CTNNBL1: variants seen among roughly 807,000 people sequenced by gnomAD.
CTNNBL1 encodes the protein beta-catenin-like protein 1.
In CTNNBL1, 31 loss-of-function variants were observed where a neutral mutation model predicts 72.7. That is an observed-to-expected ratio of 0.43 (90% confidence interval 0.32 to 0.58). The LOEUF is 0.58. Ranked by LOEUF, CTNNBL1 falls within the 20% of genes least tolerant of loss-of-function variation. CTNNBL1 has a pLI of 0.08. For synonymous variants in CTNNBL1, 240 were observed against 267.3 expected (o/e 0.90, Z 1.00); for missense variants, 534 against 725.1 (o/e 0.74, Z 3.03).
intron 13 of CTNNBL1, among the ~76,000 whole-genome samples, chr20:37,844,315 T>C (rs2072329248): frequency 1.3e-5 from 2 of 152,166 alleles, no homozygotes; most frequent in Admixed American, 6.5e-5. Flanking sequence ...CTATGCCTCA[T>C]GTAGCCTCAG....
chr20:37,868,054 T>A (rs2072551677), intron 15 of CTNNBL1, among the ~76,000 whole-genome samples: 1 of 152,226 alleles, frequency 6.6e-6, no homozygotes, highest in Non-Finnish European at 1.5e-5. Context: ...AATAAATTTC[T>A]GAGAACCCTT....
chr20:37,815,546 G>A lies in CTNNBL1; in HGVS notation c.1213+12498G>A, dbSNP rs555945874. ...TTGGTCAGGCTGCTCTCGAACTCCT[G>A]ACTTCAGGTGATCTGCCCCCCTCGG... On this transcript the variant is annotated intron_variant, in intron 11 of 15. Coordinates refer to ENST00000361383, the MANE Select transcript of CTNNBL1 (RefSeq NM_030877.5). Among the ~76,000 whole-genome samples, 354 of 152,210 alleles carry A rather than the reference G, an allele frequency of 2.3e-3. 2 individuals carry two copies. Among genetic ancestry groups the A allele is most frequent in the African/African-American group, 7.6e-3 (314 of 41,514 alleles).
At chr20:37,709,855 G>A (rs1245639060) in intron 1 of CTNNBL1, among the ~76,000 whole-genome samples, 1 of 152,212 alleles carries the variant, frequency 6.6e-6, no homozygotes, top group Non-Finnish European at 1.5e-5. Context: ...TTTCTCTGGT[G>A]TCTTTGGAAA....
At chr20:37,769,892 C>T (rs1351392704) in intron 7 of CTNNBL1, among the ~76,000 whole-genome samples, 1 of 152,194 alleles carries the variant, frequency 6.6e-6, no homozygotes, top group Admixed American at 6.5e-5. Context: ...AAGGTTCTGC[C>T]TAAGATATCA....
At chr20:37,824,022 T>C (rs2072134915) in intron 11 of CTNNBL1, among the ~76,000 whole-genome samples, 2 of 152,206 alleles carry the variant, frequency 1.3e-5, no homozygotes, top group African/African-American at 4.8e-5. Context: ...GTGGTAACTA[T>C]ATAATATACT....
chr20:37,789,332 A>G (rs1269027495), intron 10 of CTNNBL1, among the ~76,000 whole-genome samples: 5 of 152,208 alleles, frequency 3.3e-5, no homozygotes, highest in Non-Finnish European at 2.9e-5. Flanking sequence ...AGGTTACAGT[A>G]AGGATGTTTG....
chr20:37,742,043 C>G (rs377733168), intron 3 of CTNNBL1, among the ~76,000 whole-genome samples: 2 of 151,980 alleles, frequency 1.3e-5, no homozygotes, highest in South Asian at 2.1e-4. Context: ...ATCTAACTTT[C>G]CAAAGAAAGC....
intron 10 of CTNNBL1, among the ~76,000 whole-genome samples, chr20:37,798,544 T>TTTTA: frequency 6.6e-6 from 1 of 152,332 alleles, no homozygotes; most frequent in South Asian, 2.1e-4. Context: ...TCTAAAAGCC[T>TTTTA]GAACTCAAGC....
intron 10 of CTNNBL1, among the ~76,000 whole-genome samples, chr20:37,794,775 T>G (rs1057202158): frequency 2.6e-5 from 4 of 152,148 alleles, no homozygotes; most frequent in African/African-American, 9.7e-5. Flanking sequence ...GTGCTGGGAT[T>G]ACAGGCGTGA....
intron 1 of CTNNBL1, among the ~76,000 whole-genome samples, chr20:37,706,563 G>A (rs1182827392): frequency 6.6e-6 from 1 of 152,190 alleles, no homozygotes; most frequent in Non-Finnish European, 1.5e-5. Context: ...TTCAGGCTCT[G>A]CTTCGAATTC....
intron 5 of CTNNBL1, among the ~76,000 whole-genome samples, chr20:37,761,312 G>T (rs1342173663): frequency 2.0e-5 from 3 of 152,178 alleles, no homozygotes; most frequent in Admixed American, 6.5e-5. Flanking sequence ...ACTGCCAGGG[G>T]ACTACCCTCC....
chr20:37,811,930 C>T (rs570887435), intron 11 of CTNNBL1, among the ~76,000 whole-genome samples: 1 of 152,316 alleles, frequency 6.6e-6, no homozygotes, highest in African/African-American at 2.4e-5. Flanking sequence ...CCGTTTAGCA[C>T]ATTAGTGACA....
intron 1 of CTNNBL1, among the ~76,000 whole-genome samples, chr20:37,712,435 T>G (rs1344921752): frequency 2.6e-5 from 4 of 152,198 alleles, no homozygotes; most frequent in Admixed American, 2.6e-4. Flanking sequence ...TTTGCCCAGA[T>G]CTGCTATGGC....
chr20:37,791,151 C>G (rs1384448136), intron 10 of CTNNBL1, among the ~76,000 whole-genome samples: 6 of 152,238 alleles, frequency 3.9e-5, no homozygotes, highest in African/African-American at 1.4e-4. Context: ...TTTGTTTATT[C>G]ACTTGTTGAA....
intron 1 of CTNNBL1, 122 bp downstream of exon 1, chr20:37,694,274 C>T (rs2072769256): frequency 2.4e-6 from 2 of 832,618 alleles, no homozygotes; most frequent in Non-Finnish European, 1.8e-6. Context: ...TCTCATGCCA[C>T]CCGGGGTCTC....
intron 13 of CTNNBL1, among the ~76,000 whole-genome samples, chr20:37,850,009 G>A (rs527322989): frequency 2.0e-5 from 3 of 152,204 alleles, no homozygotes; most frequent in Admixed American, 6.5e-5. Context: ...TTTTGGGCCT[G>A]CATGCTTATC....
chr20:37,799,586 T>C (rs2073806771), intron 10 of CTNNBL1, among the ~76,000 whole-genome samples: 1 of 152,218 alleles, frequency 6.6e-6, no homozygotes, highest in South Asian at 2.1e-4. Flanking sequence ...AATTATCTCC[T>C]CTTCTCATCA....
At chr20:37,851,606 A>G (rs1469213709) in intron 13 of CTNNBL1, among the ~76,000 whole-genome samples, 2 of 152,208 alleles carry the variant, frequency 1.3e-5, no homozygotes, top group African/African-American at 4.8e-5. Context: ...ACAAATTTGC[A>G]TGGGTTTCTG....
Position 37,851,132 on chromosome 20 carries a change from A to T in CTNNBL1, c.1392+8713A>T, listed in dbSNP as rs145885947. ...CGGAAATGGCACCTTGGCGCTACACATACCACCTCCTTGTGTGTCTTTGGA... is the reference window on the plus strand; with the variant it reads ...CGGAAATGGCACCTTGGCGCTACACTTACCACCTCCTTGTGTGTCTTTGGA... On this transcript the variant is annotated intron_variant, in intron 13 of 15. Coordinates refer to ENST00000361383, the MANE Select transcript of CTNNBL1 (RefSeq NM_030877.5). Among the ~76,000 whole-genome samples, 4 of 152,310 alleles carry T rather than the reference A, an allele frequency of 2.6e-5. No individual in the cohort carries two copies. The East Asian group carries it at 7.7e-4, about 29-fold the overall frequency.
Sources: allele counts gnomAD v4.1 joint callset (sites outside exome capture counted in the v4.1 genomes callset), GRCh38; gene constraint gnomAD v4.1.1; transcripts MANE v1.5; gene names NCBI Gene and HGNC (gene_info 2026-07-23, HGNC 2026-07-21).